The following YWHAB variants were observed in gnomAD, a reference collection of about 807,000 sequenced individuals.
YWHAB encodes the protein tyrosine 3-monooxygenase/tryptophan 5-monooxygenase activation protein beta, also known as 14-3-3 protein beta/alpha.
Under a neutral mutation model 28.5 loss-of-function variants are expected in YWHAB, and 2 were observed. The observed-to-expected ratio is 0.07, with a 90% CI of 0.03 to 0.22. The LOEUF is 0.22. Among genes scored for constraint, YWHAB ranks in the 10% least tolerant of loss-of-function variants. The pLI is 1.00. For missense variants in YWHAB, 148 were observed against 297.1 expected (o/e 0.50, Z 3.69); for synonymous variants, 103 against 104.7 (o/e 0.98, Z 0.10).
intron 1 of YWHAB, chr20:44,887,605 A>G (rs991119802): frequency 3.9e-5 from 6 of 152,238 alleles, no homozygotes; most frequent in Non-Finnish European, 8.8e-5. Flanking sequence ...GGCAGCCTCT[A>G]TAAAACCAGG....
chr20:44,886,293 ATTAAAAT>A (rs2066527106), intron 1 of YWHAB: 1 of 152,328 alleles, frequency 6.6e-6, no homozygotes, highest in South Asian at 2.1e-4. Context: ...GTTTCCAGAA[ATTAAAAT>A]TTAATCAAAC....
chr20:44,891,515 G>A (rs183894978), intron 1 of YWHAB, among the ~76,000 whole-genome samples: 1 of 152,318 alleles, frequency 6.6e-6, no homozygotes, highest in African/African-American at 2.4e-5. Flanking sequence ...TATGTCAGTG[G>A]GCCCCAAACT....
At chr20:44,906,144 C>T (rs754976856) in intron 5 of YWHAB, 48 bp downstream of exon 5, 1 of 1,419,652 alleles carries the variant, frequency 7.0e-7, no homozygotes, top group African/African-American at 1.4e-5. Flanking sequence ...TATTCACCTA[C>T]TTAATAATTC....
At chr20:44,894,769 A>C (rs1370068504) in intron 1 of YWHAB, among the ~76,000 whole-genome samples, 1 of 152,216 alleles carries the variant, frequency 6.6e-6, no homozygotes, top group Non-Finnish European at 1.5e-5. Context: ...GGTAGATGCC[A>C]TCTTCATTTT....
Position 44,904,148 on chromosome 20 carries a change from A to G in YWHAB, c.424+32A>G, listed in dbSNP as rs779201812. On this transcript the variant is annotated intron_variant, in intron 3 of 5. Transcript: ENST00000353703. ...AATATCTTTAAAAAGAAATTCGACC[A>G]GTAATGGAGCCAGTCTTCTTTCACA... The G allele has an allele frequency of 9.3e-6, 15 of 1,609,886 alleles. No individual in the cohort carries two copies. The South Asian group carries it at 1.6e-4, about 17-fold the overall frequency.
Position 44,905,141 on chromosome 20 carries a change from AC to A in YWHAB, c.588+13del. The A allele has an allele frequency of 1.9e-6, 3 of 1,599,386 alleles. No individual in the cohort carries two copies. The highest frequency in any genetic ancestry group is 2.2e-5 in the East Asian group (1 of 44,662). On this transcript the variant is annotated intron_variant, in intron 4 of 5. Transcript: ENST00000353703. ...TAGCCTGGCAAAAACGGTGAGAAAG[AC>A]CCTTTGTGATATCTAACCATAGCAA...
chr20:44,886,004 C>T (rs904304072), intron 1 of YWHAB, 118 bp downstream of exon 1: 3 of 152,244 alleles, frequency 2.0e-5, no homozygotes, highest in African/African-American at 7.2e-5. Context: ...GGCGCGCTGC[C>T]TCTTTCGCTC....
At position 44,899,432 on chromosome 20, in the gene YWHAB, A is replaced by G. The variant is rs760774221; in HGVS notation, c.-3-2099A>G. Among the ~76,000 whole-genome samples the G allele has an allele frequency of 5.4e-4, 82 of 151,798 alleles. 1 individual carries two copies. The highest frequency in any genetic ancestry group is 1.2e-3 in the Admixed American group (18 of 15,280). On this transcript the variant is annotated intron_variant, in intron 1 of 5. Transcript: ENST00000353703. The stretch of plus-strand genomic sequence containing the variant: ...GAGGTGGAGGTTGCAGTGAACCGAG[A>G]TCCCACCACTGTACTTCAGCCTGGG...
intron 1 of YWHAB, among the ~76,000 whole-genome samples, chr20:44,896,821 C>T (rs796628063): frequency 1.8e-4 from 27 of 151,970 alleles, no homozygotes; most frequent in African/African-American, 6.5e-4. Flanking sequence ...TGAAATTGGT[C>T]TAGTTGCTTC....
chr20:44,906,293 G>C, intron 5 of YWHAB, 89 bp from the exon 6 acceptor site: 1 of 1,380,676 alleles, frequency 7.2e-7, no homozygotes, highest in Middle Eastern at 2.0e-4. Flanking sequence ...ATTTTAAACT[G>C]TCGAGTGAGA....
intron 1 of YWHAB, among the ~76,000 whole-genome samples, chr20:44,900,836 C>T (rs992396240): frequency 6.6e-6 from 1 of 152,070 alleles, no homozygotes; most frequent in African/African-American, 2.4e-5. Flanking sequence ...AGTCCAGTGG[C>T]GTGATCTCGG....
At chr20:44,891,528 AG>A (rs2070592165) in intron 1 of YWHAB, among the ~76,000 whole-genome samples, 1 of 152,236 alleles carries the variant, frequency 6.6e-6, no homozygotes, top group Admixed American at 6.5e-5. Context: ...CCCAAACTGT[AG>A]AAATTATTCA....
chr20:44,902,049 C>G (rs1325314059), intron 2 of YWHAB: 2 of 469,088 alleles, frequency 4.3e-6, no homozygotes, highest in Non-Finnish European at 7.2e-6. Flanking sequence ...ACTTTCCTCT[C>G]CTATCAAAAA....
At chr20:44,905,844 T>C in intron 4 of YWHAB, 157 bp from the exon 5 acceptor site, 1 of 599,974 alleles carries the variant, frequency 1.7e-6, no homozygotes, top group Non-Finnish European at 3.0e-6. Context: ...TGCCTTATAC[T>C]TCTGCTGGAA....
intron 1 of YWHAB, among the ~76,000 whole-genome samples, chr20:44,893,908 G>A (rs188767943): frequency 8.3e-4 from 126 of 152,056 alleles, no homozygotes; most frequent in African/African-American, 2.9e-3. Context: ...CATTGGCCAC[G>A]CTGGTCTCGA....
intron 1 of YWHAB, among the ~76,000 whole-genome samples, chr20:44,898,125 G>C (rs2145532817): frequency 6.6e-6 from 1 of 152,296 alleles, no homozygotes; most frequent in Admixed American, 6.5e-5. Flanking sequence ...TGCTGTGGGG[G>C]TTCTGGGAAA....
Position 44,908,172 on chromosome 20 carries a change from AAC to A in YWHAB, c.*1736_*1737del, listed in dbSNP as rs1491024882. ...AAAACAAACCAAAAAAAAAGAAAAA[AAC>A]AAAAAAAAAAATCCCTCCTTTCTAG... On this transcript the variant is annotated 3_prime_UTR_variant, in exon 6 of 6. Transcript: ENST00000353703. 2.3e-4 allele frequency: 30 copies of A among 127,702 alleles called. No homozygotes were observed. The highest frequency in any genetic ancestry group is 6.2e-4 in the African/African-American group (18 of 28,872). 7.9% of individuals were successfully genotyped at this position (127,702 alleles called of 1,614,324 possible). A position where few individuals can be genotyped will look rare whatever the true frequency, so the allele number is the denominator to read the frequency against.
intron 1 of YWHAB, among the ~76,000 whole-genome samples, chr20:44,897,361 A>AG (rs2066601828): frequency 6.6e-6 from 1 of 152,210 alleles, no homozygotes; most frequent in Non-Finnish European, 1.5e-5. Context: ...AGAGTTGCAT[A>AG]GGTACTGTTC....
In YWHAB at chr20:44,905,324, T is replaced by C. The variant is rs752446322; in HGVS notation, c.588+193T>C. ...CATTCTCAATACCTTCTGCTGACTT[T>C]GTTTGATTACTGTTTTTTGCGGGTG... On this transcript the variant is annotated intron_variant, in intron 4 of 5. Transcript: ENST00000353703. 38 of 492,976 alleles carry C rather than the reference T, an allele frequency of 7.7e-5. No homozygotes were observed. In the Admixed American group the frequency reaches 1.1e-3, roughly 14 times the overall value. The allele number at this position is 492,976 out of a possible 1,614,324, so 30.5% of individuals were successfully genotyped here. A position where few individuals can be genotyped will look rare whatever the true frequency, so the allele number is the denominator to read the frequency against.
Sources: gnomAD v4.1 joint callset for allele counts (sites outside exome capture counted in the v4.1 genomes callset) on GRCh38, gnomAD v4.1.1 for gene constraint, MANE v1.5 for transcripts, NCBI Gene and HGNC (gene_info 2026-07-23, HGNC 2026-07-21) for gene names.